Variants in ITGB4 observed in about 807,000 individuals in gnomAD.
The protein encoded by ITGB4 is integrin subunit beta 4.
ITGB4 carries 159 observed loss-of-function variants against 207.6 expected under a neutral mutation model. The observed-to-expected ratio is 0.77, with a 90% CI of 0.67 to 0.87. The LOEUF is 0.87. Among genes scored for constraint, ITGB4 ranks in the 40% least tolerant of loss-of-function variants. The probability of loss-of-function intolerance (pLI) is 0.00; values close to 1 mark genes in which losing one functional copy is unlikely to be tolerated. For synonymous variants in ITGB4, 1,020 were observed against 1,062.7 expected (o/e 0.96, Z 0.78); for missense variants, 2,278 against 2,546.8 (o/e 0.89, Z 2.27).
chr17:75,744,469 C>A (rs145044357), intron 26 of ITGB4, among the ~76,000 whole-genome samples: 1 of 152,156 alleles, frequency 6.6e-6, no homozygotes, highest in Non-Finnish European at 1.5e-5. Flanking sequence ...CCAGACCATT[C>A]CTGTCCCCTC....
At chr17:75,730,145 C>G in intron 7 of ITGB4, 96 bp from the exon 8 acceptor site, 1 of 1,541,290 alleles carries the variant, frequency 6.5e-7, no homozygotes, top group Non-Finnish European at 8.9e-7. Flanking sequence ...AAGCCCAGCC[C>G]CATGTTGGGA....
At position 75,732,350 on chromosome 17, in the gene ITGB4, G is replaced by GGGGC. The variant is rs2060881682; in HGVS notation, c.1454+114_1454+117dup. The stretch of plus-strand genomic sequence containing the variant: ...GCACCTTGTACACCTGGCTGGGGGT[G>GGGGC]GGGCGGCAATCAAAGAAACGGCTAA... On this transcript the variant is annotated intron_variant, in intron 12 of 39. Coordinates refer to ENST00000200181, the MANE Select transcript of ITGB4 (RefSeq NM_000213.5). This position sits in a 1 kb window ranked among gnomAD's most constrained non-coding sequence, Gnocchi z 5.3. The GGGGC allele has an allele frequency of 4.7e-6, 5 of 1,071,874 alleles. No individual in the cohort carries two copies. The Admixed American group carries it at 9.1e-5, about 19-fold the overall frequency. 66.4% of individuals were successfully genotyped at this position (1,071,874 alleles called of 1,614,324 possible).
At chr17:75,744,128 T>TG (rs2061182071) in intron 26 of ITGB4, among the ~76,000 whole-genome samples, 1 of 148,738 alleles carries the variant, frequency 6.7e-6, no homozygotes, top group Non-Finnish European at 1.5e-5. Flanking sequence ...TTTTTTTTTT[T>TG]TTTTTTTTTG....
Position 75,733,568 on chromosome 17 carries a change from G to A in ITGB4, c.1533G>A (p.Pro511=), listed in dbSNP as rs148312483. ...GCCTGCGGGAGGGCGAGGACAAGCC[G>A]TGCTCCGGCCGTGGGGAGTGCCAGT... ...QPCLREGEDK[P]CSGRGECQCG... is the part of the protein sequence containing the mutation. The change falls in exon 13 of 40, where the codon CCG becomes CCA. Residue 511 remains proline (P), a synonymous_variant. Coordinates refer to ENST00000200181, the MANE Select transcript of ITGB4 (RefSeq NM_000213.5). 2.8e-4 allele frequency: 451 copies of A among 1,614,068 alleles called. 1 individual carries two copies. The African/African-American group carries it at 4.5e-3, about 16-fold the overall frequency.
rs150023264 is a variant in ITGB4 at position 75,727,259 on chromosome 17, C to T, written c.144C>T (p.Cys48=). ...CTECVRVDKD[C]AYCTDEMFRD... ...AGTGTGTCCGTGTGGATAAGGACTG[C>T]GCCTACTGCACAGACGAGGTGAGGA... Residue 48 remains cysteine (C), a synonymous_variant, in exon 3 of 40, where the codon TGC becomes TGT. Coordinates refer to ENST00000200181, the MANE Select transcript of ITGB4 (RefSeq NM_000213.5). The surrounding 1 kb of genome is among the most constrained non-coding windows in gnomAD (Gnocchi z 6.0). The T allele has an allele frequency of 4.6e-5, 74 of 1,613,936 alleles. No individual in the cohort carries two copies. The highest frequency in any genetic ancestry group is 2.3e-4 in the African/African-American group (17 of 75,022).
chr17:75,730,117 C>A, intron 7 of ITGB4, 124 bp from the exon 8 acceptor site: 4 of 1,266,368 alleles, frequency 3.2e-6, no homozygotes, highest in Non-Finnish European at 4.5e-6. Context: ...AGGGCACTTG[C>A]TGTGAATCCA....
chr17:75,756,912 C>T (rs781446549), intron 37 of ITGB4, 31 bp from the exon 38 acceptor site: 33 of 1,612,110 alleles, frequency 2.0e-5, no homozygotes, highest in African/African-American at 6.7e-5. Flanking sequence ...AAGAGGGGGC[C>T]GCAGACGCTG....
intron 25 of ITGB4, 30 bp from the exon 26 acceptor site, chr17:75,743,683 C>T (rs757942829): frequency 6.2e-7 from 1 of 1,613,360 alleles, no homozygotes; most frequent in South Asian, 1.1e-5. Flanking sequence ...GGGCCCAGCA[C>T]ACTCTGACAA....
chr17:75,754,844 C>G, intron 34 of ITGB4, 29 bp downstream of exon 34: 2 of 1,613,882 alleles, frequency 1.2e-6, no homozygotes, highest in Non-Finnish European at 1.7e-6. Flanking sequence ...CCCTGCCTCT[C>G]CCACTAACCC....
intron 13 of ITGB4, among the ~76,000 whole-genome samples, chr17:75,733,968 G>A (rs1451489617): frequency 6.6e-6 from 1 of 152,086 alleles, no homozygotes; most frequent in African/African-American, 2.4e-5. Context: ...CTCTCTGGAA[G>A]TTCAGTTCTA....
intron 13 of ITGB4, 151 bp downstream of exon 13, chr17:75,733,843 G>A (rs569900387): frequency 2.9e-5 from 25 of 860,434 alleles, no homozygotes; most frequent in African/African-American, 1.0e-4. Flanking sequence ...CCTGAGGGCC[G>A]CCCCTGAGTC....
Position 75,732,392 on chromosome 17 carries a change from G to A in ITGB4, c.1454+153G>A, listed in dbSNP as rs1183062483. Among the ~76,000 whole-genome samples, 2 of 152,172 alleles carry A rather than the reference G, an allele frequency of 1.3e-5. No individual in the cohort carries two copies. The highest frequency in any genetic ancestry group is 2.4e-5 in the African/African-American group (1 of 41,434). ...AACGGCTAAGGGCGGGGCACACCCA[G>A]TTGTTGGTCAAACCCAGGTCAAAGC... On this transcript the variant is annotated intron_variant, in intron 12 of 39. Coordinates refer to ENST00000200181, the MANE Select transcript of ITGB4 (RefSeq NM_000213.5). The surrounding 1 kb of genome is among the most constrained non-coding windows in gnomAD (Gnocchi z 5.3).
At chr17:75,737,491 T>G in intron 17 of ITGB4, 47 bp downstream of exon 17, 3 of 1,553,830 alleles carry the variant, frequency 1.9e-6, no homozygotes, top group Non-Finnish European at 2.6e-6. Context: ...TGGCCAGAGC[T>G]CGGTGGGGAG....
chr17:75,740,133 C>T lies in ITGB4; in HGVS notation c.2446+62C>T. 6.6e-7 allele frequency: 1 copy of T among 1,519,512 alleles called. No individual in the cohort carries two copies. 94.1% of individuals were successfully genotyped at this position (1,519,512 alleles called of 1,614,324 possible). On this transcript the variant is annotated intron_variant, in intron 20 of 39. Coordinates refer to ENST00000200181, the MANE Select transcript of ITGB4 (RefSeq NM_000213.5). The surrounding 1 kb of genome is among the most constrained non-coding windows in gnomAD (Gnocchi z 5.9). ...GCCCTTCGGGCCCTCTGTTCCAGAT[C>T]TGGGATCACAGCATGCCTCTTCTCT...
chr17:75,755,097 T>C (rs754560568), intron 34 of ITGB4: 1 of 1,604,710 alleles, frequency 6.2e-7, no homozygotes, highest in Non-Finnish European at 8.5e-7. Flanking sequence ...AGGCTTCCGC[T>C]GTCCTGGGCC....
In ITGB4 at chr17:75,756,721, A is replaced by C. The variant is rs1428771258; in HGVS notation, c.4915A>C (p.Ser1639Arg). The change falls in exon 37 of 40, where the codon AGC becomes CGC. Residue 1639 changes from serine to arginine, a missense_variant. Transcript: ENST00000200181. ...GCCCCCAGGCTCCGCCTTCACTTTG[A>C]GCACTCCCAGTGCCCCAGGCCCGCT... ...CPLPGSAFTLSTPSAPGPLVF... is the reference protein window; with the variant it reads ...CPLPGSAFTLRTPSAPGPLVF... 6.2e-7 allele frequency: 1 copy of C among 1,613,202 alleles called. No homozygotes were observed. The highest frequency in any genetic ancestry group is 1.1e-5 in the South Asian group (1 of 91,070).
chr17:75,733,215 C>CAT (rs2060900210), intron 12 of ITGB4, among the ~76,000 whole-genome samples: 1 of 151,664 alleles, frequency 6.6e-6, no homozygotes, highest in Admixed American at 6.6e-5. Flanking sequence ...GGTGAAACCC[C>CAT]GTCTACTAAA....
Position 75,734,284 on chromosome 17 carries a change from G to A in ITGB4, c.1657+592G>A, listed in dbSNP as rs373330006. Among the ~76,000 whole-genome samples the A allele has an allele frequency of 5.3e-5, 8 of 151,832 alleles. No homozygotes were observed. The East Asian group carries it at 1.4e-3, about 26-fold the overall frequency. On this transcript the variant is annotated intron_variant, in intron 13 of 39. Coordinates refer to ENST00000200181, the MANE Select transcript of ITGB4 (RefSeq NM_000213.5). Reference sequence around the variant, plus strand: ...CCCTAGTAGGTGGGACTATAGGCATGCACCACCATGCCCAGCTAATTTTGT... The same window carrying A: ...CCCTAGTAGGTGGGACTATAGGCATACACCACCATGCCCAGCTAATTTTGT...
chr17:75,754,664 T>C lies in ITGB4; in HGVS notation c.4407T>C (p.Tyr1469=), dbSNP rs1242549750. 4.3e-6 allele frequency: 7 copies of C among 1,613,834 alleles called. No individual in the cohort carries two copies. Among genetic ancestry groups the C allele is most frequent in the African/African-American group, 1.3e-5 (1 of 74,862 alleles). ...TGACCACGACCAGTGCTGCTGCCTA[T>C]GGCACCCACCTGAGCCCACACGTGC... ...HRMTTTSAAA[Y]GTHLSPHVPH... The change falls in exon 34 of 40, where the codon TAT becomes TAC. Residue 1469 remains tyrosine (Y), a synonymous_variant. Coordinates refer to ENST00000200181, the MANE Select transcript of ITGB4 (RefSeq NM_000213.5).
Sources: gnomAD v4.1 joint callset for allele counts (sites outside exome capture counted in the v4.1 genomes callset) on GRCh38, gnomAD v4.1.1 for gene constraint, Gnocchi (gnomAD v3.1) non-coding constraint, MANE v1.5 for transcripts, NCBI Gene and HGNC (gene_info 2026-07-23, HGNC 2026-07-21) for gene names.